Variants in DNAH9 observed in about 807,000 individuals in gnomAD.
DNAH9 encodes the protein DNAH9 variant protein.
In DNAH9, 345 loss-of-function variants were observed where a neutral mutation model predicts 471.6. The observed-to-expected ratio is 0.73, with a 90% CI of 0.67 to 0.80. The LOEUF (loss-of-function observed/expected upper bound fraction) is 0.80. Among genes scored for constraint, DNAH9 ranks in the 30% least tolerant of loss-of-function variants. The pLI is 0.00. For missense variants in DNAH9, 5,407 were observed against 5,609.2 expected, an observed-to-expected ratio of 0.96 and a Z score of 1.15; for synonymous variants, 2,093 against 2,123.6, an observed-to-expected ratio of 0.99 and a Z score of 0.40.
At position 11,902,894 on chromosome 17, in the gene DNAH9, G is replaced by C; in HGVS notation, c.11582G>C (p.Arg3861Pro). 2 of 1,613,416 alleles carry C rather than the reference G, an allele frequency of 1.2e-6. No homozygotes were observed. Among genetic ancestry groups the C allele is most frequent in the African/African-American group, 2.7e-5 (2 of 75,028 alleles). The change falls in exon 60 of 69, where the codon CGG (arginine) becomes CCG (proline). Residue 3861 changes from arginine (R) to proline (P), a missense_variant. Coordinates refer to ENST00000262442, the MANE Select transcript of DNAH9 (RefSeq NM_001372.4). ...ATGCTGAGAGCCATGCGGCCCGACC[G>C]GATGACCTATGCTTTGCGGTAGGAA... is the stretch of plus-strand genomic sequence containing the variant. ...LCMLRAMRPD[R>P]MTYALRDFVE...
chr17:11,853,046 G>C (rs957016592), intron 49 of DNAH9: 3 of 151,658 alleles, frequency 2.0e-5, no homozygotes, highest in Admixed American at 1.3e-4. Context: ...TCCCTTTAAA[G>C]GAAGTGGCAG....
At chr17:11,688,408 G>C (rs2074276036) in intron 19 of DNAH9, among the ~76,000 whole-genome samples, 2 of 152,202 alleles carry the variant, frequency 1.3e-5, no homozygotes, top group Admixed American at 1.3e-4. Flanking sequence ...ACAGCTTGGA[G>C]AGGAACTCAT....
intron 62 of DNAH9, among the ~76,000 whole-genome samples, chr17:11,928,130 C>A (rs892155532): frequency 6.7e-6 from 1 of 149,460 alleles, no homozygotes; most frequent in Non-Finnish European, 1.5e-5. Flanking sequence ...TTTATTCATT[C>A]ATTCATTTAT....
At chr17:11,835,824 C>T (rs547614772) in intron 49 of DNAH9, among the ~76,000 whole-genome samples, 125 of 152,270 alleles carry the variant, frequency 8.2e-4, no homozygotes, top group African/African-American at 2.8e-3. Flanking sequence ...CAACCTATGG[C>T]GGCTGAGCCA....
intron 33 of DNAH9, among the ~76,000 whole-genome samples, chr17:11,754,364 A>G (rs1455009233): frequency 6.6e-6 from 1 of 152,178 alleles, no homozygotes; most frequent in East Asian, 1.9e-4. Flanking sequence ...TCCTGGGTCA[A>G]ACAGTATTTC....
At position 11,611,630 on chromosome 17, in the gene DNAH9, C is replaced by G; in HGVS notation, c.774-20C>G. 6.2e-7 allele frequency: 1 copy of G among 1,611,692 alleles called. No homozygotes were observed. ...TTTCCTGATGCTTCCCTGGATTCAC[C>G]CTTCTTCATGATATTGCAGGTATGA... On this transcript the variant is annotated intron_variant, in intron 3 of 68. Coordinates refer to ENST00000262442, the MANE Select transcript of DNAH9 (RefSeq NM_001372.4).
chr17:11,739,150 A>G (rs2075396301), intron 29 of DNAH9, 113 bp downstream of exon 29: 1 of 1,107,472 alleles, frequency 9.0e-7, no homozygotes, highest in Non-Finnish European at 1.3e-6. Flanking sequence ...TTGGAAAAGT[A>G]GATTTGTAAC....
At position 11,783,487 on chromosome 17, in the gene DNAH9, G is replaced by T. The variant is rs180820694; in HGVS notation, c.7719-159G>T. ...AGATATGGAGGTACCTTGGGAATCT[G>T]TCTTATGCTCTTATCTCTTCTCAAT... On this transcript the variant is annotated intron_variant, in intron 39 of 68. Transcript: ENST00000262442. Among the ~76,000 whole-genome samples, 80 of 152,188 alleles carry T rather than the reference G, an allele frequency of 5.3e-4. No individual in the cohort carries two copies. In the East Asian group the frequency reaches 0.012, roughly 22 times the overall value.
chr17:11,707,447 G>A (rs1310307853), intron 26 of DNAH9, among the ~76,000 whole-genome samples: 1 of 152,104 alleles, frequency 6.6e-6, no homozygotes, highest in East Asian at 1.9e-4. Flanking sequence ...AATAGGACAT[G>A]GAAAATCCAA....
chr17:11,844,819 C>T (rs761604983), intron 49 of DNAH9, among the ~76,000 whole-genome samples: 7 of 152,082 alleles, frequency 4.6e-5, no homozygotes, highest in Non-Finnish European at 8.8e-5. Flanking sequence ...ATTATTTCAT[C>T]ACCCAGATAC....
At chr17:11,768,326 A>C in intron 36 of DNAH9, 127 bp from the exon 37 acceptor site, 10 of 933,700 alleles carry the variant, frequency 1.1e-5, no homozygotes, top group South Asian at 1.6e-5. Flanking sequence ...GAGCTGGTCT[A>C]GCCGGCAGGC....
chr17:11,637,528 T>G (rs1238931186), intron 9 of DNAH9, among the ~76,000 whole-genome samples: 1 of 151,834 alleles, frequency 6.6e-6, no homozygotes, highest in Non-Finnish European at 1.5e-5. Context: ...AGTTCAGGAG[T>G]TCGAGGCTGC....
intron 41 of DNAH9, among the ~76,000 whole-genome samples, chr17:11,790,123 T>G (rs1969012214): frequency 1.3e-5 from 1 of 78,030 alleles, no homozygotes; most frequent in African/African-American, 1.9e-4. Flanking sequence ...TGTGCAGGGT[T>G]TTTTTTTAAT....
intron 39 of DNAH9, among the ~76,000 whole-genome samples, chr17:11,783,311 T>C (rs1672259437): frequency 6.6e-6 from 1 of 152,164 alleles, no homozygotes; most frequent in Non-Finnish European, 1.5e-5. Context: ...GTCACTACCT[T>C]TGTTATTCTC....
chr17:11,745,013 A>G lies in DNAH9; in HGVS notation c.6328A>G (p.Asn2110Asp), dbSNP rs754097879. 6.2e-7 allele frequency: 1 copy of G among 1,613,978 alleles called. No homozygotes were observed. Among genetic ancestry groups the G allele is most frequent in the African/African-American group, 1.3e-5 (1 of 74,916 alleles). ...ALDVPRRRDP[N>D]FEALVRKAIV... Reference sequence around the variant, plus strand: ...GGATGTCCCCCGGAGGAGAGACCCCAACTTCGAAGCTTTGGTTAGGAAGGC... The same window carrying G: ...GGATGTCCCCCGGAGGAGAGACCCCGACTTCGAAGCTTTGGTTAGGAAGGC... The change falls in exon 31 of 69, where the codon AAC becomes GAC. Residue 2110 changes from asparagine to aspartate, a missense_variant. Around this residue, in one of 3 missense-constraint regions of DNAH9, gnomAD observed 4,636 missense variants for 4,900.3 expected, o/e 0.95. Coordinates refer to ENST00000262442, the MANE Select transcript of DNAH9 (RefSeq NM_001372.4).
At chr17:11,793,770 A>T (rs1050616563) in intron 42 of DNAH9, 106 bp downstream of exon 42, 5 of 945,664 alleles carry the variant, frequency 5.3e-6, no homozygotes, top group Non-Finnish European at 6.2e-6. Flanking sequence ...GAAAGGCCAG[A>T]GTTTAGGTGA....
In DNAH9 at chr17:11,784,419, C is replaced by A; in HGVS notation, c.7941C>A (p.Ser2647=). The A allele has an allele frequency of 6.2e-7, 1 of 1,614,192 alleles. No homozygotes were observed. Among genetic ancestry groups the A allele is most frequent in the Non-Finnish European group, 8.5e-7 (1 of 1,180,018 alleles). ...LGNFPASLQK[S]IPPLIDLALA... Reference sequence around the variant, plus strand: ...ACTTCCCGGCGTCCCTGCAGAAATCCATCCCCCCACTGATCGATCTGGCCC... The same window carrying A: ...ACTTCCCGGCGTCCCTGCAGAAATCAATCCCCCCACTGATCGATCTGGCCC... The change falls in exon 41 of 69, where the codon TCC becomes TCA. Residue 2647 remains serine, a synonymous_variant. Coordinates refer to ENST00000262442, the MANE Select transcript of DNAH9 (RefSeq NM_001372.4).
rs1315069251 is a variant in DNAH9, at chr17:11,874,974, T to C, written c.10268T>C (p.Leu3423Pro). The C allele has an allele frequency of 1.2e-6, 2 of 1,613,976 alleles. No homozygotes were observed. Among genetic ancestry groups the C allele is most frequent in the East Asian group, 2.2e-5 (1 of 44,876 alleles). ...LKTPIPVTPA[L>P]DPLRMLMDDA... is the part of the protein sequence containing the mutation. ...ACTCCCATTCCAGTCACCCCAGCCC[T>C]GGATCCCCTGAGGATGCTGATGGAT... Residue 3423 changes from leucine (L) to proline (P), a missense_variant, in exon 53 of 69, where the codon CTG becomes CCG. By Grantham distance (98) the Leu-to-Pro change is moderately conservative. Coordinates refer to ENST00000262442, the MANE Select transcript of DNAH9 (RefSeq NM_001372.4).
chr17:11,786,932 A>G (rs1277934271), intron 41 of DNAH9, among the ~76,000 whole-genome samples: 1 of 152,216 alleles, frequency 6.6e-6, no homozygotes, highest in Non-Finnish European at 1.5e-5. Context: ...CCAAGTGTGG[A>G]GAACGCAACA....
Sources: gnomAD v4.1 joint callset for allele counts (sites outside exome capture counted in the v4.1 genomes callset) on GRCh38, gnomAD v4.1.1 for gene constraint, gnomAD v4.1.1 regional missense constraint, MANE v1.5 for transcripts, NCBI Gene and HGNC (gene_info 2026-07-23, HGNC 2026-07-21) for gene names.